Variants in ABLIM1 observed in about 807,000 individuals in gnomAD.
ABLIM1 encodes the protein actin-binding LIM protein 1.
Under a neutral mutation model 107.0 loss-of-function variants are expected in ABLIM1, and 40 were observed. The observed-to-expected ratio is 0.37, with a 90% CI of 0.29 to 0.49. The LOEUF is 0.49. Ranked by LOEUF, ABLIM1 falls within the 20% of genes least tolerant of loss-of-function variation. ABLIM1 has a pLI of 0.97. For synonymous variants in ABLIM1, 357 were observed against 357.3 expected (o/e 1.00, Z 0.01); for missense variants, 857 against 1,008.5 (o/e 0.85, Z 2.04).
At chr10:114,718,703 A>AT (rs148906166) in intron 1 of ABLIM1, among the ~76,000 whole-genome samples, 1,908 of 152,250 alleles carry the variant, frequency 0.013, 48 homozygotes, top group African/African-American at 0.044. Context: ...AAACAAATTC[A>AT]TTTTTTGCAT....
At chr10:114,488,871 A>G (rs1271983196) in intron 7 of ABLIM1, among the ~76,000 whole-genome samples, 1 of 152,256 alleles carries the variant, frequency 6.6e-6, no homozygotes, top group Non-Finnish European at 1.5e-5. Context: ...GTAAGGACAC[A>G]TTCAAGTGTG....
chr10:114,669,644 C>T (rs985970488), intron 1 of ABLIM1, among the ~76,000 whole-genome samples: 1 of 152,206 alleles, frequency 6.6e-6, no homozygotes, highest in African/African-American at 2.4e-5. Flanking sequence ...GAACAAAGTG[C>T]TTTGCTTTTC....
At chr10:114,650,948 G>C (rs2079212396) in intron 1 of ABLIM1, among the ~76,000 whole-genome samples, 1 of 152,134 alleles carries the variant, frequency 6.6e-6, no homozygotes. Context: ...AATGTGGGTA[G>C]TATTATCCAC....
chr10:114,649,546 A>G (rs1391153688), intron 1 of ABLIM1, among the ~76,000 whole-genome samples: 1 of 152,160 alleles, frequency 6.6e-6, no homozygotes, highest in Non-Finnish European at 1.5e-5. Flanking sequence ...ATCCTGACAT[A>G]CTTAAATCCT....
chr10:114,521,470 G>A (rs556354314), intron 6 of ABLIM1, among the ~76,000 whole-genome samples: 2 of 152,342 alleles, frequency 1.3e-5, no homozygotes, highest in South Asian at 4.1e-4. Context: ...CAAGAGCTTA[G>A]TATGCAGAGC....
the ABLIM1 span, among the ~76,000 whole-genome samples, chr10:114,795,473 G>A: frequency 1.3e-5 from 2 of 152,158 alleles, no homozygotes; most frequent in East Asian, 1.9e-4. Flanking sequence ...TTGGGAGGCC[G>A]AAGTGGGCGG....
Position 114,439,259 on chromosome 10 carries a change from G to C in ABLIM1, c.2068-9C>G. 6.2e-7 allele frequency: 1 copy of C among 1,614,216 alleles called. No individual in the cohort carries two copies. On this transcript the variant is annotated splice_polypyrimidine_tract_variant and intron_variant, in intron 20 of 22. Transcript: ENST00000533213. ...TGGCCATCTGGGAGTGTCTGCAACA[G>C]AAATGCCAGTTCCAGGTGAGGCATG...
At chr10:114,652,219 G>A (rs2141104855) in intron 1 of ABLIM1, among the ~76,000 whole-genome samples, 1 of 152,284 alleles carries the variant, frequency 6.6e-6, no homozygotes, top group African/African-American at 2.4e-5. Context: ...AGAATATGCT[G>A]TCTTTTTGAC....
At chr10:114,727,884 C>T (rs1328017770) in intron 1 of ABLIM1, among the ~76,000 whole-genome samples, 3 of 152,068 alleles carry the variant, frequency 2.0e-5, no homozygotes, top group Non-Finnish European at 1.5e-5. Flanking sequence ...GATCATGCCA[C>T]ATTGCACTCC....
chr10:114,462,443 G>A (rs749592896), intron 12 of ABLIM1, among the ~76,000 whole-genome samples: 3 of 152,148 alleles, frequency 2.0e-5, no homozygotes, highest in Non-Finnish European at 2.9e-5. Flanking sequence ...AGAAGGGATG[G>A]GGCAGAAATG....
intron 1 of ABLIM1, 110 bp downstream of exon 1, chr10:114,657,847 T>C (rs2079596421): frequency 1.1e-6 from 1 of 912,596 alleles, no homozygotes; most frequent in Non-Finnish European, 1.7e-6. Context: ...ATATTAAGGA[T>C]AGTGTTTCCT....
At chr10:114,759,891 G>A (rs2082708066) in intron 1 of ABLIM1, among the ~76,000 whole-genome samples, 1 of 152,108 alleles carries the variant, frequency 6.6e-6, no homozygotes, top group East Asian at 1.9e-4. Flanking sequence ...GTCCTAGATA[G>A]AAGCATCCCA....
intron 12 of ABLIM1, among the ~76,000 whole-genome samples, chr10:114,465,139 G>A (rs2064878664): frequency 6.6e-6 from 1 of 152,092 alleles, no homozygotes; most frequent in Admixed American, 6.6e-5. Context: ...CCAAGTCTGA[G>A]GGAAAATCTT....
intron 2 of ABLIM1, among the ~76,000 whole-genome samples, chr10:114,579,967 C>T (rs1035419904): frequency 7.9e-5 from 12 of 152,052 alleles, no homozygotes; most frequent in South Asian, 6.2e-4. Flanking sequence ...TTTCATTATC[C>T]GGGGAGACTA....
chr10:114,763,167 A>G (rs558723864), intron 1 of ABLIM1, among the ~76,000 whole-genome samples: 1 of 152,248 alleles, frequency 6.6e-6, no homozygotes, highest in East Asian at 1.9e-4. Context: ...TTTACTATTT[A>G]TTGAATTGGA....
At chr10:114,618,025 C>G (rs2077237806) in intron 1 of ABLIM1, among the ~76,000 whole-genome samples, 1 of 152,154 alleles carries the variant, frequency 6.6e-6, no homozygotes, top group Non-Finnish European at 1.5e-5. Context: ...CTGCCCCACT[C>G]CTCCCAACCC....
At chr10:114,470,399 G>A (rs113553357) in intron 10 of ABLIM1, among the ~76,000 whole-genome samples, 2,101 of 142,370 alleles carry the variant, frequency 0.015, 51 homozygotes, top group African/African-American at 0.053. Flanking sequence ...CTCCAGCTGG[G>A]TGACAGAGTG....
At chr10:114,621,411 A>T (rs1591626950) in intron 1 of ABLIM1, among the ~76,000 whole-genome samples, 1 of 152,242 alleles carries the variant, frequency 6.6e-6, no homozygotes, top group African/African-American at 2.4e-5. Flanking sequence ...TTTCCCAAAT[A>T]AGAATAACCA....
At chr10:114,463,210 G>C (rs1251820986) in intron 12 of ABLIM1, 2 of 1,215,724 alleles carry the variant, frequency 1.6e-6, no homozygotes, top group African/African-American at 3.2e-5. Context: ...AAACAGAAAA[G>C]AAGAACAGAA....
Sources: allele counts gnomAD v4.1 joint callset (sites outside exome capture counted in the v4.1 genomes callset), GRCh38; gene constraint gnomAD v4.1.1; transcripts MANE v1.5; gene names NCBI Gene and HGNC (gene_info 2026-07-23, HGNC 2026-07-21).